The following ZNF423 variants were observed in gnomAD, a reference collection of about 807,000 sequenced individuals.
ZNF423 encodes Ebf-associated zinc finger protein.
A neutral mutation model predicts 95.8 loss-of-function variants in ZNF423; 12 were observed. That is an observed-to-expected ratio of 0.13 (90% CI 0.08 to 0.20). The LOEUF is 0.20. Among genes scored for constraint, ZNF423 ranks in the 10% least tolerant of loss-of-function variants. The pLI, the probability that ZNF423 is intolerant of heterozygous loss-of-function variation, is 1.00. For missense variants in ZNF423, 1,316 were observed against 1,737.1 expected, an observed-to-expected ratio of 0.76 and a Z score of 4.31; for synonymous variants, 749 against 711.9, an observed-to-expected ratio of 1.05 and a Z score of -0.83.
chr16:49,771,378 T>C (rs2034032730), intron 2 of ZNF423, among the ~76,000 whole-genome samples: 1 of 151,944 alleles, frequency 6.6e-6, no homozygotes, highest in South Asian at 2.1e-4. Flanking sequence ...CTAATTTTTG[T>C]ATTTTTTGTA....
chr16:49,820,411 A>C (rs2034923451), intron 1 of ZNF423, among the ~76,000 whole-genome samples: 1 of 152,238 alleles, frequency 6.6e-6, no homozygotes, highest in Non-Finnish European at 1.5e-5. Context: ...TACTATTTTC[A>C]GTTCTTGGAT....
intron 5 of ZNF423, among the ~76,000 whole-genome samples, chr16:49,537,027 G>A (rs2151730797): frequency 6.6e-6 from 1 of 152,388 alleles, no homozygotes; most frequent in East Asian, 1.9e-4. Context: ...CCCTTTTGCT[G>A]TTAGCACTTG....
At chr16:49,832,081 G>T (rs116302903) in intron 1 of ZNF423, among the ~76,000 whole-genome samples, 1 of 152,118 alleles carries the variant, frequency 6.6e-6, no homozygotes, top group Non-Finnish European at 1.5e-5. Context: ...CTCCATAAAG[G>T]CACCAAATAT....
rs1356681038 is a variant in ZNF423 at position 49,685,828 on chromosome 16, TA to T, written c.301+44942del. Among the ~76,000 whole-genome samples the T allele has an allele frequency of 1.3e-4, 20 of 152,146 alleles. No homozygotes were observed. In the East Asian group the frequency reaches 3.9e-3, roughly 29 times the overall value. ...CACCACCCACACTGCTCCTAGAACA[TA>T]ATACAAATGCCCCACCTGGTCCCAC... On this transcript the variant is annotated intron_variant, in intron 3 of 7. Transcript: ENST00000563137.
chr16:49,573,580 T>C (rs1970412547), intron 5 of ZNF423, among the ~76,000 whole-genome samples: 1 of 152,218 alleles, frequency 6.6e-6, no homozygotes, highest in Admixed American at 6.5e-5. Context: ...GTCTCTCCTC[T>C]TCTGGTAAAG....
chr16:49,762,745 T>C (rs2033855393), intron 2 of ZNF423, among the ~76,000 whole-genome samples: 1 of 152,136 alleles, frequency 6.6e-6, no homozygotes. Context: ...AGGTGGGCCC[T>C]TTGACTCTTA....
chr16:49,535,154 C>T (rs1969012912), intron 5 of ZNF423, among the ~76,000 whole-genome samples: 1 of 152,168 alleles, frequency 6.6e-6, no homozygotes, highest in South Asian at 2.1e-4. Flanking sequence ...CCTGAAAGGC[C>T]TCAGAGCCCA....
At chr16:49,777,148 A>G (rs543514915) in intron 2 of ZNF423, among the ~76,000 whole-genome samples, 11 of 152,346 alleles carry the variant, frequency 7.2e-5, no homozygotes, top group Admixed American at 5.9e-4. Context: ...ATGCATATGC[A>G]TGCACTTGGC....
At chr16:49,551,558 C>T (rs568960598) in intron 5 of ZNF423, among the ~76,000 whole-genome samples, 47 of 152,338 alleles carry the variant, frequency 3.1e-4, no homozygotes, top group Non-Finnish European at 4.4e-4. Flanking sequence ...ACTAGTAGCT[C>T]TGTCTCCTTG....
chr16:49,852,664 G>A (rs1430527671), intron 1 of ZNF423, among the ~76,000 whole-genome samples: 1 of 151,944 alleles, frequency 6.6e-6, no homozygotes, highest in African/African-American at 2.4e-5. Flanking sequence ...GGGAAAATCG[G>A]TCAGAAAAAT....
chr16:49,747,160 T>C (rs2033542284), intron 2 of ZNF423, among the ~76,000 whole-genome samples: 1 of 152,154 alleles, frequency 6.6e-6, no homozygotes, highest in African/African-American at 2.4e-5. Flanking sequence ...TGCAGGATGA[T>C]TTGTAATAGC....
chr16:49,574,260 C>T (rs1970433230), intron 5 of ZNF423, among the ~76,000 whole-genome samples: 2 of 152,172 alleles, frequency 1.3e-5, no homozygotes, highest in South Asian at 2.1e-4. Flanking sequence ...TGGTACATGC[C>T]TGTGGTCCCA....
rs2031474963 is a variant in ZNF423, at chr16:49,684,126, C to A, written c.302-45252G>T. On this transcript the variant is annotated intron_variant, in intron 3 of 7. Coordinates refer to ENST00000563137, the MANE Select transcript of ZNF423 (RefSeq NM_001379286.1). ...CTACAAGGACCACAGACCACAGATG[C>A]AGGTCAGACCGTGAACTCCCTGGGC... Among the ~76,000 whole-genome samples, 2 of 152,146 alleles carry A rather than the reference C, an allele frequency of 1.3e-5. 1 individual carries two copies. The highest frequency in any genetic ancestry group is 2.9e-5 in the Non-Finnish European group (2 of 68,022).
intron 1 of ZNF423, among the ~76,000 whole-genome samples, chr16:49,849,825 G>A (rs570367753): frequency 6.6e-6 from 1 of 152,236 alleles, no homozygotes; most frequent in Non-Finnish European, 1.5e-5. Flanking sequence ...AATTGACTTT[G>A]CAAGTAGAAC....
rs1421060072 is a variant in ZNF423, at chr16:49,815,882, AT to A, written c.41-26337del. 5.6e-3 allele frequency among the ~76,000 whole-genome samples: 228 copies of A among 40,934 alleles called. 1 individual carries two copies. The highest frequency in any genetic ancestry group is 0.015 in the African/African-American group (129 of 8,836). The allele number at this position is 40,934 out of a possible 152,430, so 26.9% of individuals were successfully genotyped here. On this transcript the variant is annotated intron_variant, in intron 1 of 7. Transcript: ENST00000563137. ...AATTCCAAACAAACAAAAAAAAAAA[AT>A]ATATATATATATATATATATATATA...
At chr16:49,647,422 A>G (rs1356624781) in intron 3 of ZNF423, among the ~76,000 whole-genome samples, 1 of 152,234 alleles carries the variant, frequency 6.6e-6, no homozygotes, top group Non-Finnish European at 1.5e-5. Flanking sequence ...CTTCCAAAAC[A>G]TATGAATATG....
intron 3 of ZNF423, among the ~76,000 whole-genome samples, chr16:49,698,527 C>T (rs1366766579): frequency 6.6e-6 from 1 of 152,252 alleles, no homozygotes; most frequent in Non-Finnish European, 1.5e-5. Context: ...GCTGCCACGC[C>T]GCCCGCCTGG....
chr16:49,789,727 C>T (rs781347383), intron 1 of ZNF423, among the ~76,000 whole-genome samples, 181 bp from the exon 2 acceptor site: 13 of 152,138 alleles, frequency 8.5e-5, no homozygotes, highest in African/African-American at 2.2e-4. Flanking sequence ...GTAAAATGAT[C>T]GGAATAAAAC....
At chr16:49,757,745 C>G (rs969496950) in intron 2 of ZNF423, among the ~76,000 whole-genome samples, 1 of 152,196 alleles carries the variant, frequency 6.6e-6, no homozygotes, top group African/African-American at 2.4e-5. Context: ...AAACACCCCA[C>G]GTGCCCTGGA....
Sources: gnomAD v4.1 joint callset for allele counts (sites outside exome capture counted in the v4.1 genomes callset) on GRCh38, gnomAD v4.1.1 for gene constraint, MANE v1.5 for transcripts, NCBI Gene and HGNC (gene_info 2026-07-23, HGNC 2026-07-21) for gene names.